Variants in TNXB observed in about 807,000 individuals in gnomAD.
TNXB encodes tenascin XB, also known as tenascin-X.
A neutral mutation model predicts 340.5 loss-of-function variants in TNXB; 183 were observed. The ratio of observed to expected loss-of-function variants is 0.54; its 90% confidence interval spans 0.48 to 0.61. TNXB has a LOEUF of 0.61. TNXB is among the 20% of genes least tolerant of loss of function. The pLI is 0.00. For missense variants in TNXB, 4,613 were observed against 5,446.4 expected, an observed-to-expected ratio of 0.85 and a Z score of 4.82; for synonymous variants, 2,121 against 2,314.5, an observed-to-expected ratio of 0.92 and a Z score of 2.40.
chr6:32,088,982 A>G lies in TNXB; in HGVS notation c.2582T>C (p.Leu861Pro), dbSNP rs1210855985. 6.2e-7 allele frequency: 1 copy of G among 1,611,212 alleles called. No individual in the cohort carries two copies. Among genetic ancestry groups the G allele is most frequent in the Non-Finnish European group, 8.5e-7 (1 of 1,178,928 alleles). ...VTPTTLELGW[L>P]RPQAEVDRFV... Reference sequence around the variant, plus strand: ...TCGGTCCACCTCAGCCTGGGGACGCAGCCAGCCAAGCTCCAGTGTTGTCGG... The same window carrying G: ...TCGGTCCACCTCAGCCTGGGGACGCGGCCAGCCAAGCTCCAGTGTTGTCGG... The change falls in exon 6 of 44, where the codon CTG (leucine) becomes CCG (proline). Residue 861 changes from leucine to proline, a missense_variant. Coordinates refer to ENST00000644971, the MANE Select transcript of TNXB (RefSeq NM_001365276.2).
chr6:32,088,113 C>T (rs954558786), intron 6 of TNXB, among the ~76,000 whole-genome samples: 9 of 152,168 alleles, frequency 5.9e-5, no homozygotes, highest in African/African-American at 2.2e-4. Flanking sequence ...TGTGCCCCAG[C>T]CCCACCTGGA....
In TNXB at chr6:32,085,952, G is replaced by A. The variant is rs369219469; in HGVS notation, c.2946C>T (p.Thr982=). The A allele has an allele frequency of 6.3e-5, 102 of 1,608,094 alleles. No individual in the cohort carries two copies. Among genetic ancestry groups the A allele is most frequent in the Non-Finnish European group, 8.1e-5 (95 of 1,178,774 alleles). Residue 982 remains threonine, a synonymous_variant, in exon 7 of 44, where the codon ACC becomes ACT. Transcript: ENST00000644971. The surrounding 1 kb of genome is among the most constrained non-coding windows in gnomAD (Gnocchi z 6.4). ...DETGRLRVVW[T]AQPDTFAYFQ... ...AGTAGGCAAAGGTGTCAGGCTGGGC[G>A]GTCCAGACCACACGGAGGCGCCCTG...
Position 32,064,846 on chromosome 6 carries a change from G to A in TNXB, c.6816C>T (p.Gly2272=), listed in dbSNP as rs1778234429. ...CAGTTAAACCAACAGCAGACACGGG[G>A]CCCACGCGCTGGCCACCGTGGAAGC... is the stretch of plus-strand genomic sequence containing the variant. ...LYGFHGGQRV[G]PVSAVGLTAP... Residue 2272 remains glycine (G), a synonymous_variant, in exon 19 of 44, where the codon GGC becomes GGT. Transcript: ENST00000644971. The surrounding 1 kb of genome is among the most constrained non-coding windows in gnomAD (Gnocchi z 5.3). The A allele has an allele frequency of 6.2e-7, 1 of 1,610,796 alleles. No individual in the cohort carries two copies. The highest frequency in any genetic ancestry group is 8.5e-7 in the Non-Finnish European group (1 of 1,179,324).
rs573092961 is a variant in TNXB at position 32,073,961 on chromosome 6, G to C, written c.4376-9C>G. Reference sequence around the variant, plus strand: ...CTCTTCTTGTTGTGGGGCTGGGACAGAGATGGTAGGGGGCTGTTAGTAAAG... The same window carrying C: ...CTCTTCTTGTTGTGGGGCTGGGACACAGATGGTAGGGGGCTGTTAGTAAAG... On this transcript the variant is annotated splice_polypyrimidine_tract_variant and intron_variant, in intron 11 of 43. Transcript: ENST00000644971. This position sits in a 1 kb window ranked among gnomAD's most constrained non-coding sequence, Gnocchi z 4.6. 6.3e-7 allele frequency: 1 copy of C among 1,579,206 alleles called. No homozygotes were observed. Among genetic ancestry groups the C allele is most frequent in the South Asian group, 1.1e-5 (1 of 87,674 alleles).
chr6:32,097,718 T>C lies in TNXB; in HGVS notation c.403+78A>G. On this transcript the variant is annotated intron_variant, in intron 2 of 43. Transcript: ENST00000644971. This position sits in a 1 kb window ranked among gnomAD's most constrained non-coding sequence, Gnocchi z 5.9. Reference sequence around the variant, plus strand: ...TGAGGAAGGAGTGCCTTCTTCTAATTCATACCAAGGACCTTTATGGACTAG... The same window carrying C: ...TGAGGAAGGAGTGCCTTCTTCTAATCCATACCAAGGACCTTTATGGACTAG... 1 of 1,444,912 alleles carries C rather than the reference T, an allele frequency of 6.9e-7. No individual in the cohort carries two copies. Among genetic ancestry groups the C allele is most frequent in the Admixed American group, 2.4e-5 (1 of 41,166 alleles). The allele number at this position is 1,444,912 out of a possible 1,614,324, so 89.5% of individuals were successfully genotyped here.
At chr6:32,053,045 G>A in intron 25 of TNXB, 52 bp from the exon 26 acceptor site, 1 of 1,568,432 alleles carries the variant, frequency 6.4e-7, no homozygotes, top group South Asian at 1.1e-5. Context: ...GGATGTCCTT[G>A]GGTCTTGTGA....
rs551539366 is a variant in TNXB at position 32,049,067 on chromosome 6, C to T, written c.9757+203G>A. Among the ~76,000 whole-genome samples, 1 of 152,288 alleles carries T rather than the reference C, an allele frequency of 6.6e-6. No individual in the cohort carries two copies. The highest frequency in any genetic ancestry group is 1.9e-4 in the East Asian group (1 of 5,174). ...TCCAGATCACAATGGGAGAAGGAAG[C>T]TACAACAAACAGGGCATGGACTACC... On this transcript the variant is annotated intron_variant, in intron 28 of 43. Transcript: ENST00000644971. This position sits in a 1 kb window ranked among gnomAD's most constrained non-coding sequence, Gnocchi z 4.5.
At position 32,089,001 on chromosome 6, in the gene TNXB, T is replaced by A; in HGVS notation, c.2563A>T (p.Thr855Ser). 1 of 1,611,052 alleles carries A rather than the reference T, an allele frequency of 6.2e-7. No homozygotes were observed. The highest frequency in any genetic ancestry group is 1.1e-5 in the South Asian group (1 of 90,490). The change falls in exon 6 of 44, where the codon ACA (threonine) becomes TCA (serine). Residue 855 changes from threonine (T) to serine (S), a missense_variant. Around this residue, in one of 7 missense-constraint regions of TNXB, gnomAD observed 4,327 missense variants for 4,859.4 expected, o/e 0.89. Coordinates refer to ENST00000644971, the MANE Select transcript of TNXB (RefSeq NM_001365276.2). This position sits in a 1 kb window ranked among gnomAD's most constrained non-coding sequence, Gnocchi z 6.2. ...DLRVVAVTPTTLELGWLRPQA... is the reference protein window; with the variant it reads ...DLRVVAVTPTSLELGWLRPQA... ...GGACGCAGCCAGCCAAGCTCCAGTGTTGTCGGTGTCACAGCCACCACTCGG... is the reference window on the plus strand; with the variant it reads ...GGACGCAGCCAGCCAAGCTCCAGTGATGTCGGTGTCACAGCCACCACTCGG...
rs569194573 is a variant in TNXB, at chr6:32,075,265, A to T, written c.4376-1313T>A. On this transcript the variant is annotated intron_variant, in intron 11 of 43. Transcript: ENST00000644971. The surrounding 1 kb of genome is among the most constrained non-coding windows in gnomAD (Gnocchi z 4.6). ...AGAGCTGGTTCCCGCAGTGGCTTCT[A>T]CCTCACTCAGGGTGAAATCCAAGTC... Among the ~76,000 whole-genome samples, 3 of 152,170 alleles carry T rather than the reference A, an allele frequency of 2.0e-5. No individual in the cohort carries two copies. In the South Asian group the frequency reaches 6.2e-4, roughly 32 times the overall value.
chr6:32,071,870 C>G, intron 13 of TNXB, 120 bp downstream of exon 13: 1 of 886,566 alleles, frequency 1.1e-6, no homozygotes, highest in Non-Finnish European at 1.7e-6. Context: ...CTGTGCTAGC[C>G]CCATGTGGCT....
At position 32,061,723 on chromosome 6, in the gene TNXB, G is replaced by A. The variant is rs768212031; in HGVS notation, c.7169-3C>T. ...GCTGGGGGTCTCTTCCTCTGCAGCT[G>A]AGAAAAAGGGACACAGAGAGGATGG... is the stretch of plus-strand genomic sequence containing the variant. On this transcript the variant is annotated splice_region_variant and splice_polypyrimidine_tract_variant and intron_variant, in intron 20 of 43. Transcript: ENST00000644971. The surrounding 1 kb of genome is among the most constrained non-coding windows in gnomAD (Gnocchi z 4.4). The A allele has an allele frequency of 3.7e-6, 6 of 1,608,162 alleles. No homozygotes were observed. The highest frequency in any genetic ancestry group is 5.1e-6 in the Non-Finnish European group (6 of 1,177,190).
intron 29 of TNXB, 91 bp from the exon 30 acceptor site, chr6:32,048,103 C>T: frequency 1.4e-6 from 2 of 1,465,548 alleles, no homozygotes; most frequent in Non-Finnish European, 1.8e-6. Context: ...GAGCCGGTCC[C>T]AGGAACGGGA....
chr6:32,049,284 G>A lies in TNXB; in HGVS notation c.9743C>T (p.Thr3248Ile). ...HEGQRVGPVS[T>I]VGITAPLPTP... The stretch of plus-strand genomic sequence containing the variant: ...CCCCCACTCACCCGTGATGCCCACG[G>A]TGGACACTGGGCCCACGCGCTGCCC... Residue 3248 changes from threonine (T) to isoleucine (I), a missense_variant, in exon 28 of 44, where the codon ACC (threonine) becomes ATC (isoleucine). This residue lies in a region of TNXB where 4,327 missense variants were observed against 4,859.4 expected (regional missense o/e 0.89). Transcript: ENST00000644971. This position sits in a 1 kb window ranked among gnomAD's most constrained non-coding sequence, Gnocchi z 4.5. The A allele has an allele frequency of 6.2e-7, 1 of 1,611,084 alleles. No homozygotes were observed. Among genetic ancestry groups the A allele is most frequent in the South Asian group, 1.1e-5 (1 of 90,968 alleles).
rs1373074796 is a variant in TNXB at position 32,096,091 on chromosome 6, T to A, written c.1762A>T (p.Arg588Trp). The stretch of plus-strand genomic sequence containing the variant: ...TGGCTGCAGTCATTCGGGCACTGCC[T>A]CACACCGCAATCCTCGCCAGAGTAG... ...DGYSGEDCGV[R>W]QCPNDCSQHG... Residue 588 changes from arginine (R) to tryptophan (W), a missense_variant, in exon 3 of 44, where the codon AGG (arginine) becomes TGG (tryptophan). Transcript: ENST00000644971. The A allele has an allele frequency of 6.2e-7, 1 of 1,610,500 alleles. No individual in the cohort carries two copies. Among genetic ancestry groups the A allele is most frequent in the Admixed American group, 1.7e-5 (1 of 59,676 alleles).
In TNXB at chr6:32,047,858, C is replaced by G; in HGVS notation, c.10200G>C (p.Pro3400=). ...TGACCTCCCGCTGGTTGGCTGCCAC[C>G]GGCACCACCTGGAGCCGACCATCCT... ...KDKDGRLQVV[P]VAANQREVTV... The change falls in exon 30 of 44, where the codon CCG becomes CCC. Residue 3400 remains proline (P), a synonymous_variant. Transcript: ENST00000644971. This position sits in a 1 kb window ranked among gnomAD's most constrained non-coding sequence, Gnocchi z 6.2. 1 of 1,612,128 alleles carries G rather than the reference C, an allele frequency of 6.2e-7. No homozygotes were observed. The highest frequency in any genetic ancestry group is 8.5e-7 in the Non-Finnish European group (1 of 1,179,536).
Position 32,107,263 on chromosome 6 carries a change from G to A in TNXB, c.-9+1918C>T, listed in dbSNP as rs553197946. 5.3e-5 allele frequency among the ~76,000 whole-genome samples: 8 copies of A among 152,324 alleles called. No homozygotes were observed. In the South Asian group the frequency reaches 1.7e-3, roughly 32 times the overall value. On this transcript the variant is annotated intron_variant, in intron 1 of 43. Transcript: ENST00000644971. Reference sequence around the variant, plus strand: ...ATTCCTCATCTTTCCCTGCACAGTGGGGGAAAGCAGAGAGGGTCTTTGCAC... The same window carrying A: ...ATTCCTCATCTTTCCCTGCACAGTGAGGGAAAGCAGAGAGGGTCTTTGCAC...
In TNXB at chr6:32,102,362, G is replaced by C. The variant is rs560650116; in HGVS notation, c.-8-4156C>G. ...GTTCATGAGATTTATTCCTATATTA[G>C]CTAAAACTGAAAGCAACTCAAGTGT... is the stretch of plus-strand genomic sequence containing the variant. On this transcript the variant is annotated intron_variant, in intron 1 of 43. Coordinates refer to ENST00000644971, the MANE Select transcript of TNXB (RefSeq NM_001365276.2). Among the ~76,000 whole-genome samples, 29 of 152,240 alleles carry C rather than the reference G, an allele frequency of 1.9e-4. 1 individual carries two copies. The South Asian group carries it at 6.0e-3, about 32-fold the overall frequency.
At chr6:32,095,276 A>G in intron 3 of TNXB, 85 bp from the exon 4 acceptor site, 2 of 1,058,674 alleles carry the variant, frequency 1.9e-6, no homozygotes, top group Non-Finnish European at 2.8e-6. Flanking sequence ...GGGACATCGA[A>G]GAGGCCCATC....
rs2151880909 is a variant in TNXB at position 32,042,498 on chromosome 6, A to G, written c.12167T>C (p.Leu4056Pro). ...IFLNGNRERP[L>P]NVFCDMETDG... The stretch of plus-strand genomic sequence containing the variant: ...AGTCTCCATGTCGCAAAACACGTTC[A>G]GGGGCCGCTCGCGGTTGCCGTTGAG... The change falls in exon 40 of 44, where the codon CTG becomes CCG. Residue 4056 changes from leucine (L) to proline (P), a missense_variant. Leu to Pro is a moderately conservative substitution (Grantham distance 98, BLOSUM62 -3). This residue lies in a region of TNXB where 121 missense variants were observed against 177.4 expected (regional missense o/e 0.68). Coordinates refer to ENST00000644971, the MANE Select transcript of TNXB (RefSeq NM_001365276.2). 6.2e-7 allele frequency: 1 copy of G among 1,612,736 alleles called. No homozygotes were observed. The highest frequency in any genetic ancestry group is 8.5e-7 in the Non-Finnish European group (1 of 1,179,990).
Sources: allele counts gnomAD v4.1 joint callset (sites outside exome capture counted in the v4.1 genomes callset), GRCh38; gene constraint gnomAD v4.1.1; regional missense constraint gnomAD v4.1.1; non-coding constraint Gnocchi (gnomAD v3.1); transcripts MANE v1.5; gene names NCBI Gene and HGNC (gene_info 2026-07-23, HGNC 2026-07-21).